Variants in COL10A1 observed in about 807,000 individuals in gnomAD.
COL10A1 encodes the protein collagen type X alpha 1 chain.
COL10A1 carries 10 observed loss-of-function variants against 18.2 expected under a neutral mutation model. The observed-to-expected ratio is 0.55, with a 90% confidence interval of 0.34 to 0.93. The LOEUF is 0.93. Ranked by LOEUF, COL10A1 falls within the 40% of genes least tolerant of loss-of-function variation. COL10A1 has a pLI of 0.02. For missense variants in COL10A1, 897 were observed against 853.5 expected (o/e 1.05, Z -0.64); for synonymous variants, 330 against 316.6 (o/e 1.04, Z -0.45).
chr6:116,121,980 A>G lies in COL10A1; in HGVS notation c.155-19T>C, dbSNP rs780666973. ...GCTATACCTAAAAGACACACCCAAC[A>G]CACCCACCCATAGAAGGGGATGGTT... On this transcript the variant is annotated intron_variant, in intron 2 of 2. Coordinates refer to ENST00000651968, the MANE Select transcript of COL10A1 (RefSeq NM_000493.4). 1 of 1,601,408 alleles carries G rather than the reference A, an allele frequency of 6.2e-7. No individual in the cohort carries two copies. Among genetic ancestry groups the G allele is most frequent in the Non-Finnish European group, 8.5e-7 (1 of 1,173,750 alleles).
the COL10A1 span, among the ~76,000 whole-genome samples, chr6:116,192,294 TGAG>T: frequency 6.6e-6 from 1 of 152,008 alleles, no homozygotes; most frequent in African/African-American, 2.4e-5. Context: ...TAATACATAG[TGAG>T]GAGCTCTCAA....
chr6:116,140,812 G>A (rs573510799), intron 1 of COL10A1, among the ~76,000 whole-genome samples: 2 of 152,136 alleles, frequency 1.3e-5, no homozygotes, highest in East Asian at 3.9e-4. Flanking sequence ...TGATGTGTGG[G>A]GCTGTTTATT....
At chr6:116,174,871 G>C in the COL10A1 span, among the ~76,000 whole-genome samples, 50 of 152,152 alleles carry the variant, frequency 3.3e-4, no homozygotes, top group Non-Finnish European at 6.2e-4. Context: ...CACTACATAA[G>C]CCATTTTAGG....
chr6:116,132,725 T>G (rs1041306808), intron 1 of COL10A1, among the ~76,000 whole-genome samples: 2 of 152,158 alleles, frequency 1.3e-5, no homozygotes, highest in African/African-American at 4.8e-5. Flanking sequence ...GCTAATGTGT[T>G]CACCCCCTGT....
At chr6:116,212,128 TAAA>T in the COL10A1 span, among the ~76,000 whole-genome samples, 3 of 152,260 alleles carry the variant, frequency 2.0e-5, no homozygotes, top group East Asian at 5.8e-4. Context: ...AATTTTTTAT[TAAA>T]AAGTTAATAA....
the COL10A1 span, among the ~76,000 whole-genome samples, chr6:116,205,413 G>A: frequency 2.6e-5 from 4 of 151,648 alleles, no homozygotes; most frequent in East Asian, 7.8e-4. Context: ...GAGTAATTAC[G>A]AGATAATTTT....
the COL10A1 span, among the ~76,000 whole-genome samples, chr6:116,171,101 C>T: frequency 6.6e-6 from 1 of 151,686 alleles, no homozygotes; most frequent in Non-Finnish European, 1.5e-5. Flanking sequence ...TTTTTTAAAT[C>T]CCCAACATAG....
the COL10A1 span, among the ~76,000 whole-genome samples, chr6:116,180,543 C>G: frequency 2.0e-3 from 303 of 152,166 alleles, no homozygotes; most frequent in Admixed American, 3.9e-3. Context: ...ATTGCTTAAT[C>G]TTATCACAAA....
rs555535473 is a variant in COL10A1, at chr6:116,121,915, A to G, written c.201T>C (p.Pro67=). Residue 67 remains proline, a synonymous_variant, in exon 3 of 3, where the codon CCT becomes CCC. Coordinates refer to ENST00000651968, the MANE Select transcript of COL10A1 (RefSeq NM_000493.4). The part of the protein sequence containing the change: ...GEQGTPGPPG[P]AGPRGHPGPS... ...GACCTGGGTGCCCTCGAGGTCCAGC[A>G]GGGCCTGGTGGACCAGGAGTACCTT... 4.3e-6 allele frequency: 7 copies of G among 1,613,798 alleles called. No homozygotes were observed. In the African/African-American group the frequency reaches 9.3e-5, roughly 22 times the overall value.
chr6:116,207,435 T>G, the COL10A1 span, among the ~76,000 whole-genome samples: 1 of 151,918 alleles, frequency 6.6e-6, no homozygotes, highest in Non-Finnish European at 1.5e-5. Flanking sequence ...ATTATATAGG[T>G]AAAGACTAAG....
chr6:116,166,411 G>A, the COL10A1 span, among the ~76,000 whole-genome samples: 1 of 152,200 alleles, frequency 6.6e-6, no homozygotes, highest in African/African-American at 2.4e-5. Context: ...TAAAGGAATG[G>A]ATCAACCAAT....
rs765612980 is a variant in COL10A1, at chr6:116,120,175, A to G, written c.1941T>C (p.Asn647=). ...SGSAIIDLTE[N]DQVWLQLPNA... ...TGGGAAGCTGGAGCCACACCTGGTC[A>G]TTTTCTGTGAGATCGATGATGGCAC... The change falls in exon 3 of 3, where the codon AAT becomes AAC. Residue 647 remains asparagine, a synonymous_variant. Coordinates refer to ENST00000651968, the MANE Select transcript of COL10A1 (RefSeq NM_000493.4). 5 of 1,614,002 alleles carry G rather than the reference A, an allele frequency of 3.1e-6. No individual in the cohort carries two copies. The Admixed American group carries it at 5.0e-5, about 16-fold the overall frequency.
At chr6:116,214,188 T>C in the COL10A1 span, among the ~76,000 whole-genome samples, 1 of 152,064 alleles carries the variant, frequency 6.6e-6, no homozygotes, top group Non-Finnish European at 1.5e-5. Flanking sequence ...TTTTTCTACT[T>C]TACATGCAAG....
the COL10A1 span, among the ~76,000 whole-genome samples, chr6:116,204,475 TGA>T: frequency 3.9e-4 from 60 of 152,094 alleles, no homozygotes; most frequent in African/African-American, 1.4e-3. Context: ...TATGACCTGA[TGA>T]GAGTGTGGGG....
upstream of COL10A1, among the ~76,000 whole-genome samples, chr6:116,126,518 T>G (rs1047018517): frequency 3.9e-5 from 6 of 152,190 alleles, no homozygotes; most frequent in African/African-American, 1.2e-4. Context: ...TAAAATTCCT[T>G]GAAGGGGGTA....
chr6:116,151,246 T>C (rs190121384), intron 1 of COL10A1, among the ~76,000 whole-genome samples: 10 of 152,302 alleles, frequency 6.6e-5, no homozygotes, highest in Non-Finnish European at 1.3e-4. Context: ...TTTTAAAGAC[T>C]CTGAGATCAG....
At chr6:116,200,858 C>A in the COL10A1 span, among the ~76,000 whole-genome samples, 95,007 of 151,816 alleles carry the variant, frequency 0.63, 31,591 homozygotes, top group African/African-American at 0.86. Flanking sequence ...ACTTTTTCTT[C>A]TGAGGAAATC....
intron 1 of COL10A1, among the ~76,000 whole-genome samples, chr6:116,144,674 A>G (rs1027164651): frequency 4.6e-5 from 7 of 152,184 alleles, no homozygotes; most frequent in African/African-American, 1.7e-4. Context: ...TTTGTAATCC[A>G]CACCAGACTT....
Position 116,155,251 on chromosome 6 carries a change from T to G in COL10A1, c.-16+3363A>C, listed in dbSNP as rs925304329. Among the ~76,000 whole-genome samples, 214 of 152,308 alleles carry G rather than the reference T, an allele frequency of 1.4e-3. 1 individual carries two copies. Among genetic ancestry groups the G allele is most frequent in the African/African-American group, 4.9e-3 (204 of 41,592 alleles). On this transcript the variant is annotated intron_variant, in intron 1 of 1. Transcript: ENST00000418500. ...ACTGTCGTGATGGTTACATGTTATA[T>G]AGTTTCCTAATGTCTCCAGACTGCT...
Sources: allele counts gnomAD v4.1 joint callset (sites outside exome capture counted in the v4.1 genomes callset), GRCh38; gene constraint gnomAD v4.1.1; transcripts MANE v1.5; gene names NCBI Gene and HGNC (gene_info 2026-07-23, HGNC 2026-07-21).